LIMCH1: variants seen among roughly 807,000 people sequenced by gnomAD.
LIMCH1 encodes LIM and calponin homology domains 1.
Under a neutral mutation model 176.5 loss-of-function variants are expected in LIMCH1, and 113 were observed. The observed-to-expected ratio is 0.64, with a 90% confidence interval of 0.55 to 0.75. LIMCH1 has a LOEUF of 0.75. Ranked by LOEUF, LIMCH1 falls within the 30% of genes least tolerant of loss-of-function variation. The probability of loss-of-function intolerance (pLI) is 0.00; values close to 1 mark genes in which losing one functional copy is unlikely to be tolerated. For missense variants in LIMCH1, 1,674 were observed against 1,814.9 expected, an observed-to-expected ratio of 0.92 and a Z score of 1.41; for synonymous variants, 619 against 645.9, an observed-to-expected ratio of 0.96 and a Z score of 0.63.
chr4:41,575,469 C>T (rs943165596), intron 1 of LIMCH1, among the ~76,000 whole-genome samples: 7 of 152,090 alleles, frequency 4.6e-5, no homozygotes, highest in South Asian at 2.1e-4. Flanking sequence ...TTTCATCATG[C>T]GGATATGACA....
chr4:41,396,364 T>C (rs912695836), intron 1 of LIMCH1, among the ~76,000 whole-genome samples: 1 of 152,190 alleles, frequency 6.6e-6, no homozygotes, highest in African/African-American at 2.4e-5. Context: ...ACTAAACCTC[T>C]CTTCTTTATA....
chr4:41,471,285 A>G (rs2066924431), intron 1 of LIMCH1, among the ~76,000 whole-genome samples: 2 of 152,318 alleles, frequency 1.3e-5, no homozygotes, highest in South Asian at 4.1e-4. Context: ...ACTATGCATT[A>G]TGAGTGTGGG....
chr4:41,525,248 G>A (rs553103809), intron 3 of LIMCH1, among the ~76,000 whole-genome samples: 31 of 151,578 alleles, frequency 2.0e-4, no homozygotes, highest in African/African-American at 5.3e-4. Flanking sequence ...ACACGCGCGC[G>A]CACACACACA....
intron 2 of LIMCH1, among the ~76,000 whole-genome samples, chr4:41,519,767 C>T (rs992537907): frequency 6.6e-5 from 10 of 152,164 alleles, no homozygotes; most frequent in Non-Finnish European, 1.3e-4. Flanking sequence ...TTATCAAATG[C>T]TAGCAACACC....
intron 1 of LIMCH1, among the ~76,000 whole-genome samples, chr4:41,464,418 G>C (rs1476056437): frequency 2.0e-5 from 3 of 149,248 alleles, no homozygotes; most frequent in Non-Finnish European, 3.0e-5. Context: ...GCCCAGGCTG[G>C]AGTGCATTGA....
chr4:41,462,042 T>G (rs1326871377), intron 1 of LIMCH1, among the ~76,000 whole-genome samples: 1 of 152,180 alleles, frequency 6.6e-6, no homozygotes, highest in East Asian at 1.9e-4. Context: ...CTGCTTGAAG[T>G]CTGCAAAGTT....
chr4:41,632,258 G>A (rs60877918), intron 10 of LIMCH1, among the ~76,000 whole-genome samples: 3,781 of 152,288 alleles, frequency 0.025, 73 homozygotes, highest in East Asian at 0.077. Flanking sequence ...GAGGCTCTCC[G>A]TAGCAGGAAG....
At chr4:41,511,513 C>A (rs538012336) in intron 2 of LIMCH1, among the ~76,000 whole-genome samples, 130 of 152,294 alleles carry the variant, frequency 8.5e-4, no homozygotes, top group South Asian at 3.5e-3. Flanking sequence ...TAGAGCAAGT[C>A]ATTTGTCTCA....
intron 1 of LIMCH1, among the ~76,000 whole-genome samples, chr4:41,476,771 G>T (rs1012260475): frequency 2.6e-5 from 4 of 152,152 alleles, no homozygotes; most frequent in Admixed American, 2.6e-4. Context: ...GGACTGAGTT[G>T]TATATAGGAT....
chr4:41,641,725 C>T (rs1242357012), intron 14 of LIMCH1, among the ~76,000 whole-genome samples: 1 of 152,058 alleles, frequency 6.6e-6, no homozygotes, highest in Non-Finnish European at 1.5e-5. Flanking sequence ...TTGGCTGCAC[C>T]CCATCACACA....
upstream of LIMCH1, among the ~76,000 whole-genome samples, chr4:41,536,232 T>G (rs2077930310): frequency 6.6e-6 from 1 of 152,196 alleles, no homozygotes. Context: ...CCACCAAATG[T>G]ATGAAGTATG....
At chr4:41,370,769 A>G (rs937075429) in intron 1 of LIMCH1, among the ~76,000 whole-genome samples, 7 of 152,326 alleles carry the variant, frequency 4.6e-5, no homozygotes, top group South Asian at 2.1e-4. Flanking sequence ...GCGGTAGTCT[A>G]GGAGCTTGCT....
chr4:41,400,323 T>C (rs753052315), intron 1 of LIMCH1, among the ~76,000 whole-genome samples: 20 of 152,224 alleles, frequency 1.3e-4, no homozygotes, highest in Non-Finnish European at 2.4e-4. Context: ...GGAAAATTTT[T>C]TACCTTTGTA....
In LIMCH1 at chr4:41,680,055, C is replaced by T; in HGVS notation, c.3569C>T (p.Ala1190Val). Residue 1190 changes from alanine (A) to valine (V), a missense_variant, in exon 24 of 32, where the codon GCC becomes GTC. Transcript: ENST00000503057. ...AAGCTGAAAGAAGAGTGGGAAAAGG[C>T]CCAAAAGGAGGTGGAAGAGGAAGAA... ...QDKLKEEWEKAQKEVEEEERR... is the reference protein window; with the variant it reads ...QDKLKEEWEKVQKEVEEEERR... 1 of 1,610,350 alleles carries T rather than the reference C, an allele frequency of 6.2e-7. No individual in the cohort carries two copies. The highest frequency in any genetic ancestry group is 8.5e-7 in the Non-Finnish European group (1 of 1,178,414).
intron 1 of LIMCH1, among the ~76,000 whole-genome samples, chr4:41,591,907 C>G (rs748030968): frequency 2.0e-5 from 3 of 152,158 alleles, no homozygotes; most frequent in Non-Finnish European, 4.4e-5. Flanking sequence ...AGGGTGTCTG[C>G]CCCAGAGCCA....
intron 31 of LIMCH1, among the ~76,000 whole-genome samples, chr4:41,694,472 G>A (rs1728864950): frequency 6.6e-6 from 1 of 152,148 alleles, no homozygotes; most frequent in South Asian, 2.1e-4. Context: ...TTTCACATAG[G>A]TGATGATCAT....
chr4:41,369,613 C>A (rs1196586579), intron 1 of LIMCH1, among the ~76,000 whole-genome samples: 1 of 152,146 alleles, frequency 6.6e-6, no homozygotes, highest in Non-Finnish European at 1.5e-5. Context: ...CTTCTTTGTA[C>A]ACACCTGAGC....
chr4:41,650,687 A>G (rs150424602), intron 18 of LIMCH1, 79 bp downstream of exon 18: 15 of 1,203,660 alleles, frequency 1.2e-5, no homozygotes, highest in Middle Eastern at 2.2e-4. Flanking sequence ...TAAGTAGGTC[A>G]TGATAATGAC....
At chr4:41,419,287 C>G (rs2060235383) in intron 1 of LIMCH1, among the ~76,000 whole-genome samples, 1 of 152,078 alleles carries the variant, frequency 6.6e-6, no homozygotes, top group Non-Finnish European at 1.5e-5. Context: ...CACAGATTCT[C>G]CTGCCTCAGC....
Sources: allele counts gnomAD v4.1 joint callset (sites outside exome capture counted in the v4.1 genomes callset), GRCh38; gene constraint gnomAD v4.1.1; transcripts MANE v1.5; gene names NCBI Gene and HGNC (gene_info 2026-07-23, HGNC 2026-07-21).